Variants in PTPRD observed in about 807,000 individuals in gnomAD.
PTPRD encodes the protein protein tyrosine phosphatase receptor type D.
Under a neutral mutation model 214.5 loss-of-function variants are expected in PTPRD, and 34 were observed. That is an observed-to-expected ratio of 0.16 (90% confidence interval 0.12 to 0.21). PTPRD has a LOEUF of 0.21. Among genes scored for constraint, PTPRD ranks in the 10% least tolerant of loss-of-function variants. PTPRD has a pLI of 1.00. For synonymous variants in PTPRD, 1,128 were observed against 845.7 expected (o/e 1.33, Z -5.79); for missense variants, 2,545 against 2,398.7 (o/e 1.06, Z -1.27).
intron 3 of PTPRD, among the ~76,000 whole-genome samples, chr9:10,131,163 C>G (rs1253175016): frequency 2.0e-5 from 3 of 152,078 alleles, no homozygotes; most frequent in Admixed American, 1.3e-4. Flanking sequence ...GAGCAAATCT[C>G]TAAGAAAAAC....
intron 8 of PTPRD, among the ~76,000 whole-genome samples, chr9:9,538,608 T>C (rs937577553): frequency 9.9e-5 from 15 of 151,912 alleles, no homozygotes; most frequent in Admixed American, 2.6e-4. Context: ...CTGCAGAATC[T>C]GGAATCAGCA....
At chr9:9,469,536 T>C (rs757354442) in intron 8 of PTPRD, among the ~76,000 whole-genome samples, 46 of 152,100 alleles carry the variant, frequency 3.0e-4, no homozygotes, top group Non-Finnish European at 5.3e-4. Flanking sequence ...ACTTCCTATT[T>C]CAAATAATAA....
chr9:8,380,076 G>A (rs2084517379), intron 37 of PTPRD, among the ~76,000 whole-genome samples: 1 of 152,032 alleles, frequency 6.6e-6, no homozygotes, highest in Non-Finnish European at 1.5e-5. Context: ...ATGACATTCT[G>A]GATTTTTGTG....
intron 3 of PTPRD, among the ~76,000 whole-genome samples, chr9:10,338,970 A>T (rs747174996): frequency 1.3e-5 from 2 of 151,872 alleles, no homozygotes; most frequent in Non-Finnish European, 2.9e-5. Context: ...CAGAAGAAAG[A>T]TTCATGGATA....
At chr9:9,208,861 A>G (rs1038053826) in intron 9 of PTPRD, among the ~76,000 whole-genome samples, 12 of 151,640 alleles carry the variant, frequency 7.9e-5, no homozygotes, top group South Asian at 6.2e-4. Flanking sequence ...AAGCTGGAGT[A>G]CAGTGGCGCG....
chr9:9,162,164 T>C (rs978053734), intron 10 of PTPRD, among the ~76,000 whole-genome samples: 1 of 152,158 alleles, frequency 6.6e-6, no homozygotes, highest in Non-Finnish European at 1.5e-5. Context: ...TTTTTTCTTA[T>C]GCATGCACCA....
chr9:9,509,415 T>C (rs1048432436), intron 8 of PTPRD, among the ~76,000 whole-genome samples: 1 of 151,470 alleles, frequency 6.6e-6, no homozygotes, highest in African/African-American at 2.4e-5. Flanking sequence ...GCCTCCTAGA[T>C]AGTGTCAAGG....
At chr9:8,902,202 C>T (rs1239129872) in intron 11 of PTPRD, among the ~76,000 whole-genome samples, 1 of 152,164 alleles carries the variant, frequency 6.6e-6, no homozygotes, top group Admixed American at 6.6e-5. Context: ...TGTCATGTGA[C>T]AGAAACTGTT....
intron 14 of PTPRD, among the ~76,000 whole-genome samples, chr9:8,603,125 T>C (rs1462071900): frequency 1.3e-5 from 2 of 152,224 alleles, no homozygotes; most frequent in Non-Finnish European, 2.9e-5. Context: ...GGAAGTATAC[T>C]ATAATCCTTA....
chr9:9,334,788 T>C (rs1223541641), intron 9 of PTPRD, among the ~76,000 whole-genome samples: 1 of 151,940 alleles, frequency 6.6e-6, no homozygotes, highest in Non-Finnish European at 1.5e-5. Context: ...CCCAACCATG[T>C]TGCTTTGTTC....
At position 10,153,931 on chromosome 9, in the gene PTPRD, G is replaced by C. The variant is rs568181351; in HGVS notation, c.-544-120141C>G. ...TTCTATGTCTTTGATATTGTGAATAGTGTTGCAATGAACAGACACATGCAT... is the reference window on the plus strand; with the variant it reads ...TTCTATGTCTTTGATATTGTGAATACTGTTGCAATGAACAGACACATGCAT... On this transcript the variant is annotated intron_variant, in intron 3 of 45. Coordinates refer to ENST00000381196, the MANE Select transcript of PTPRD (RefSeq NM_002839.4). Among the ~76,000 whole-genome samples, 5 of 152,216 alleles carry C rather than the reference G, an allele frequency of 3.3e-5. No individual in the cohort carries two copies. In the South Asian group the frequency reaches 6.2e-4, roughly 19 times the overall value.
At chr9:9,142,964 C>T (rs1056064788) in intron 10 of PTPRD, among the ~76,000 whole-genome samples, 25 of 152,022 alleles carry the variant, frequency 1.6e-4, no homozygotes, top group African/African-American at 6.0e-4. Context: ...TGCCAAAGAC[C>T]CTACCTGTAC....
At chr9:9,215,107 T>A (rs1475702245) in intron 9 of PTPRD, among the ~76,000 whole-genome samples, 1 of 152,196 alleles carries the variant, frequency 6.6e-6, no homozygotes, top group Non-Finnish European at 1.5e-5. Context: ...TTCATTTGTG[T>A]GTTAACAAGT....
chr9:9,217,521 A>T (rs2099953094), intron 9 of PTPRD, among the ~76,000 whole-genome samples: 1 of 152,074 alleles, frequency 6.6e-6, no homozygotes, highest in African/African-American at 2.4e-5. Context: ...GCATCCTCTC[A>T]TCTGGGAGTA....
intron 3 of PTPRD, among the ~76,000 whole-genome samples, chr9:10,066,242 T>C (rs2097881952): frequency 6.6e-6 from 1 of 151,796 alleles, no homozygotes; most frequent in African/African-American, 2.4e-5. Context: ...AGTTTATCAT[T>C]ACCAATAAAG....
At chr9:9,860,611 C>A (rs2062523175) in intron 5 of PTPRD, among the ~76,000 whole-genome samples, 1 of 152,122 alleles carries the variant, frequency 6.6e-6, no homozygotes, top group South Asian at 2.1e-4. Context: ...CTGATGATGA[C>A]AAATACATTT....
At chr9:10,362,466 T>C (rs1260087544) in intron 2 of PTPRD, among the ~76,000 whole-genome samples, 1 of 151,680 alleles carries the variant, frequency 6.6e-6, no homozygotes, top group East Asian at 1.9e-4. Flanking sequence ...AACAAAAGAA[T>C]ATGTAGAAGG....
chr9:9,049,293 A>C (rs1590530682), intron 10 of PTPRD, among the ~76,000 whole-genome samples: 1 of 152,202 alleles, frequency 6.6e-6, no homozygotes, highest in African/African-American at 2.4e-5. Flanking sequence ...TGTAAGGCTT[A>C]ATTTTCTCAT....
At chr9:10,064,880 T>C (rs2097847206) in intron 3 of PTPRD, among the ~76,000 whole-genome samples, 1 of 152,058 alleles carries the variant, frequency 6.6e-6, no homozygotes, top group Non-Finnish European at 1.5e-5. Flanking sequence ...TGCTATTTTA[T>C]GGCCTTGGCC....
Sources: gnomAD v4.1 joint callset for allele counts (sites outside exome capture counted in the v4.1 genomes callset) on GRCh38, gnomAD v4.1.1 for gene constraint, MANE v1.5 for transcripts, NCBI Gene and HGNC (gene_info 2026-07-23, HGNC 2026-07-21) for gene names.